LTF: variants seen among roughly 807,000 people sequenced by gnomAD.
LTF encodes the protein epididymis luminal protein 110.
Under a neutral mutation model 87.2 loss-of-function variants are expected in LTF, and 91 were observed. The observed-to-expected ratio is 1.04, with a 90% CI of 0.88 to 1.24. LTF has a LOEUF of 1.24. Ranked by LOEUF, LTF falls within the 50% of genes most tolerant of loss-of-function variation. The pLI is 0.00. For synonymous variants in LTF, 378 were observed against 356.1 expected (o/e 1.06, Z -0.69); for missense variants, 901 against 904.3 (o/e 1.00, Z 0.05).
intron 1 of LTF, 41 bp downstream of exon 1, chr3:46,464,784 C>T: frequency 6.2e-7 from 1 of 1,610,190 alleles, no homozygotes; most frequent in Non-Finnish European, 8.5e-7. Flanking sequence ...GCGCAGGAGA[C>T]GCCCATCAGG....
At chr3:46,463,478 A>G in intron 1 of LTF, 1 of 985,764 alleles carries the variant, frequency 1.0e-6, no homozygotes, top group Non-Finnish European at 1.2e-6. Context: ...CACGGGGAGC[A>G]GGGCAGGAAT....
rs1044512244 is a variant in LTF, at chr3:46,437,814, G to A, written c.2098+126C>T. On this transcript the variant is annotated intron_variant, in intron 16 of 16. Transcript: ENST00000231751. ...CAATGAGATTATAATTTCCTGAACTGTAAAGAGATATTATCTTTCCTTAAC... is the reference window on the plus strand; with the variant it reads ...CAATGAGATTATAATTTCCTGAACTATAAAGAGATATTATCTTTCCTTAAC... 83 of 728,762 alleles carry A rather than the reference G, an allele frequency of 1.1e-4. No homozygotes were observed. In the African/African-American group the frequency reaches 1.3e-3, roughly 11 times the overall value. 45.1% of individuals were successfully genotyped at this position (728,762 alleles called of 1,614,324 possible).
chr3:46,443,542 C>A lies in LTF; in HGVS notation c.1554G>T (p.Pro518=), dbSNP rs200849308. ...FSQSCAPGSD[P]RSNLCALCIG... ...TACACAGAGCACAGAGATTAGATCT[C>A]GGGTCAGACCCAGGGGCACAGCTTT... Residue 518 remains proline (P), a synonymous_variant, in exon 13 of 17, where the codon CCG becomes CCT. Transcript: ENST00000231751. 2.7e-5 allele frequency: 44 copies of A among 1,614,150 alleles called. No homozygotes were observed. In the East Asian group the frequency reaches 8.9e-4, roughly 33 times the overall value.
chr3:46,474,552 C>T lies in LTF; in HGVS notation c.-319-4086G>A, dbSNP rs142608027. Among the ~76,000 whole-genome samples the T allele has an allele frequency of 2.0e-3, 312 of 152,242 alleles. 1 individual carries two copies. The highest frequency in any genetic ancestry group is 0.017 in the Middle Eastern group (5 of 292). ...TACCAACAACTGATAGAACAGACAG[C>T]AAATTAGCAAGAGTGTAGAAGAATT... On this transcript the variant is annotated intron_variant, in intron 1 of 19. Coordinates refer to the LTF transcript ENST00000443496.
chr3:46,449,958 A>G lies in LTF; in HGVS notation c.953T>C (p.Leu318Pro). Reference protein sequence around the residue: ...FGSPSGQKDLLFKDSAIGFSR... With the variant: ...FGSPSGQKDLPFKDSAIGFSR... ...AAACCCAATGGCAGAGTCCTTGAAC[A>G]GCAGATCTTTCTGCCCACTAGGGGA... Residue 318 changes from leucine to proline, a missense_variant, in exon 8 of 17, where the codon CTG becomes CCG. Leu to Pro is a moderately conservative substitution (Grantham distance 98). Transcript: ENST00000231751. The G allele has an allele frequency of 1.2e-6, 2 of 1,614,140 alleles. No individual in the cohort carries two copies. The highest frequency in any genetic ancestry group is 1.7e-6 in the Non-Finnish European group (2 of 1,180,000).
At chr3:46,477,538 C>G (rs1361206838) in intron 1 of LTF, among the ~76,000 whole-genome samples, 4 of 152,232 alleles carry the variant, frequency 2.6e-5, no homozygotes, top group Admixed American at 2.6e-4. Flanking sequence ...GATCTAGCCA[C>G]GTCATTCAGC....
At chr3:46,447,555 G>A (rs1265337254) in intron 9 of LTF, among the ~76,000 whole-genome samples, 157 bp from the exon 10 acceptor site, 1 of 152,216 alleles carries the variant, frequency 6.6e-6, no homozygotes, top group Non-Finnish European at 1.5e-5. Context: ...GAAACACCGT[G>A]TGCACCACTA....
intron 1 of LTF, among the ~76,000 whole-genome samples, chr3:46,479,533 TG>T (rs1703405234): frequency 6.6e-6 from 1 of 151,120 alleles, no homozygotes. Context: ...TTTGTTTGTT[TG>T]TTTGTTTGTG....
rs1702759748 is a variant in LTF, at chr3:46,449,913, A to G, written c.998T>C (p.Ile333Thr). The G allele has an allele frequency of 1.2e-6, 2 of 1,614,076 alleles. No homozygotes were observed. Among genetic ancestry groups the G allele is most frequent in the African/African-American group, 1.3e-5 (1 of 74,938 alleles). ...AIGFSRVPPR[I>T]DSGLYLGSGY... ...GGAGCCAAGGTACAGCCCAGAATCT[A>G]TCCTCGGGGGCACCCTCGAAAACCC... Residue 333 changes from isoleucine to threonine, a missense_variant, in exon 8 of 17, where the codon ATA becomes ACA. By Grantham distance (89) the Ile-to-Thr change is moderately conservative. Coordinates refer to ENST00000231751, the MANE Select transcript of LTF (RefSeq NM_002343.6).
intron 14 of LTF, 43 bp downstream of exon 14, chr3:46,441,373 A>G: frequency 6.6e-7 from 1 of 1,521,296 alleles, no homozygotes; most frequent in Non-Finnish European, 9.1e-7. Flanking sequence ...TTGTGATGCC[A>G]AAGACTCTGC....
intron 1 of LTF, among the ~76,000 whole-genome samples, chr3:46,482,556 AAGGGAAG>A (rs1559614558): frequency 9.2e-6 from 1 of 108,474 alleles, no homozygotes; most frequent in Admixed American, 8.8e-5. Flanking sequence ...AAGGGAAGGG[AAGGGAAG>A]GGAAGGGAAA....
intron 15 of LTF, among the ~76,000 whole-genome samples, 154 bp downstream of exon 15, chr3:46,439,142 G>C (rs1702454198): frequency 6.6e-6 from 1 of 152,114 alleles, no homozygotes; most frequent in African/African-American, 2.4e-5. Context: ...TGACACTCTG[G>C]GCAACGCCAC....
chr3:46,438,494 G>A (rs1229649983), intron 15 of LTF, among the ~76,000 whole-genome samples: 1 of 152,206 alleles, frequency 6.6e-6, no homozygotes, highest in African/African-American at 2.4e-5. Context: ...ATTCTAATAT[G>A]CAGCTCTTCT....
Position 46,478,329 on chromosome 3 carries a change from C to T in LTF, c.-320+6657G>A, listed in dbSNP as rs184461522. On this transcript the variant is annotated intron_variant, in intron 1 of 19. Transcript: ENST00000443496. ...TTGCTCCACACATCTTCTCTCTCCC[C>T]CTCCAAGGGTCTCTGGGCTACAAGG... 5.9e-5 allele frequency among the ~76,000 whole-genome samples: 9 copies of T among 152,308 alleles called. No homozygotes were observed. In the South Asian group the frequency reaches 6.2e-4, roughly 11 times the overall value.
intron 1 of LTF, among the ~76,000 whole-genome samples, chr3:46,472,891 C>T (rs911963583): frequency 6.6e-6 from 1 of 152,136 alleles, no homozygotes; most frequent in Non-Finnish European, 1.5e-5. Flanking sequence ...CTCTGGAACC[C>T]CTCCAGGTGG....
At chr3:46,479,427 T>A (rs1559613635) in intron 1 of LTF, among the ~76,000 whole-genome samples, 1 of 152,212 alleles carries the variant, frequency 6.6e-6, no homozygotes, top group South Asian at 2.1e-4. Context: ...GAGAATGGAC[T>A]GAGAGGCAGA....
intron 1 of LTF, chr3:46,460,502 T>C: frequency 2.2e-6 from 1 of 449,404 alleles, no homozygotes. Context: ...GTTCTTCTTT[T>C]GAGCCTGCTT....
intron 13 of LTF, 26 bp downstream of exon 13, chr3:46,443,415 C>T: frequency 6.2e-7 from 1 of 1,613,572 alleles, no homozygotes; most frequent in East Asian, 2.2e-5. Context: ...AGTCCCCATC[C>T]TGATGGAGCT....
intron 1 of LTF, among the ~76,000 whole-genome samples, chr3:46,479,708 G>C (rs1010742778): frequency 2.0e-5 from 3 of 152,138 alleles, no homozygotes; most frequent in African/African-American, 7.2e-5. Flanking sequence ...ATTTTTAGTA[G>C]AGACGGGGTT....
Sources: gnomAD v4.1 joint callset for allele counts (sites outside exome capture counted in the v4.1 genomes callset) on GRCh38, gnomAD v4.1.1 for gene constraint, MANE v1.5 for transcripts, NCBI Gene and HGNC (gene_info 2026-07-23, HGNC 2026-07-21) for gene names.